Variants in FBXL7 observed in about 807,000 individuals in gnomAD.
The protein encoded by FBXL7 is F-box and leucine rich repeat protein 7, also known as F-box/LRR-repeat protein 7.
FBXL7 carries 12 observed loss-of-function variants against 38.3 expected under a neutral mutation model. The ratio of observed to expected loss-of-function variants is 0.31; its 90% CI spans 0.20 to 0.51. FBXL7 has a LOEUF of 0.51. FBXL7 is among the 20% of genes least tolerant of loss of function. The pLI, the probability that FBXL7 is intolerant of heterozygous loss-of-function variation, is 0.98. For missense variants in FBXL7, 567 were observed against 676.4 expected, an observed-to-expected ratio of 0.84 and a Z score of 1.79; for synonymous variants, 297 against 300.9, an observed-to-expected ratio of 0.99 and a Z score of 0.13.
intron 3 of FBXL7, among the ~76,000 whole-genome samples, chr5:15,933,319 T>G (rs1158793637): frequency 2.6e-5 from 4 of 152,256 alleles, no homozygotes; most frequent in Non-Finnish European, 5.9e-5. Context: ...TACATTTTCC[T>G]GGACCAAATA....
rs34322593 is a variant in FBXL7, at chr5:15,937,546, G to GCC, written c.*369_*370dup. On this transcript the variant is annotated 3_prime_UTR_variant, in exon 4 of 4. Coordinates refer to ENST00000504595, the MANE Select transcript of FBXL7 (RefSeq NM_012304.5). Reference sequence around the variant, plus strand: ...ACAGGCCCCACCCCCACAGTTCCACGCCCCCCCCCCAAGGCCACACCCTCC... The same window carrying GCC: ...ACAGGCCCCACCCCCACAGTTCCACGCCCCCCCCCCCCAAGGCCACACCCTCC... 81 of 65,930 alleles carry GCC rather than the reference G, an allele frequency of 1.2e-3. No individual in the cohort carries two copies. Among genetic ancestry groups the GCC allele is most frequent in the African/African-American group, 5.0e-3 (45 of 8,920 alleles). 4.1% of individuals were successfully genotyped at this position (65,930 alleles called of 1,614,324 possible).
In FBXL7 at chr5:15,629,187, G is replaced by A. The variant is rs191104046; in HGVS notation, c.127+13115G>A. 4.4e-4 allele frequency among the ~76,000 whole-genome samples: 65 copies of A among 149,026 alleles called. No homozygotes were observed. The Middle Eastern group carries it at 0.017, about 40-fold the overall frequency. On this transcript the variant is annotated intron_variant, in intron 2 of 3. Transcript: ENST00000504595. ...TGTTGTCCCAGCTGCTCAGGAGACT[G>A]AGACATGAGCTCAGGAGTTTGAGGC...
At chr5:15,785,633 A>G (rs1737115066) in intron 2 of FBXL7, among the ~76,000 whole-genome samples, 1 of 152,234 alleles carries the variant, frequency 6.6e-6, no homozygotes, top group South Asian at 2.1e-4. Context: ...AATTCTCTTA[A>G]TATTAAAAGT....
At chr5:15,616,719 T>C (rs1740467071) in intron 2 of FBXL7, among the ~76,000 whole-genome samples, 1 of 152,240 alleles carries the variant, frequency 6.6e-6, no homozygotes. Flanking sequence ...TGGAATTAAT[T>C]GTTTCTATTG....
intron 1 of FBXL7, among the ~76,000 whole-genome samples, chr5:15,540,078 A>C (rs1403472507): frequency 1.3e-5 from 2 of 152,046 alleles, no homozygotes; most frequent in African/African-American, 4.8e-5. Context: ...TGCAAATCCC[A>C]GGGTAGAAGT....
intron 2 of FBXL7, among the ~76,000 whole-genome samples, chr5:15,696,069 C>T (rs1227758903): frequency 1.3e-5 from 2 of 152,196 alleles, no homozygotes; most frequent in Non-Finnish European, 2.9e-5. Context: ...TTTGTTACTT[C>T]TTTTCCTTTG....
chr5:15,588,366 G>A lies in FBXL7; in HGVS notation c.38-27617G>A, dbSNP rs568227498. Among the ~76,000 whole-genome samples, 8 of 151,922 alleles carry A rather than the reference G, an allele frequency of 5.3e-5. No homozygotes were observed. In the East Asian group the frequency reaches 1.5e-3, roughly 29 times the overall value. On this transcript the variant is annotated intron_variant, in intron 1 of 3. Coordinates refer to ENST00000504595, the MANE Select transcript of FBXL7 (RefSeq NM_012304.5). Reference sequence around the variant, plus strand: ...ATCACACAGAGAAACTGTGGCACATGGCAAAAGCTATGTTGTAATTTTTTT... The same window carrying A: ...ATCACACAGAGAAACTGTGGCACATAGCAAAAGCTATGTTGTAATTTTTTT...
chr5:15,528,993 A>G lies in FBXL7; in HGVS notation c.37+28280A>G, dbSNP rs372975681. 5.3e-5 allele frequency among the ~76,000 whole-genome samples: 8 copies of G among 152,296 alleles called. No individual in the cohort carries two copies. In the East Asian group the frequency reaches 5.8e-4, roughly 11 times the overall value. ...AGTATACATTATTATTAACTGTGGTAACCATGTTGTACGCTAGACCTCTTA... is the reference window on the plus strand; with the variant it reads ...AGTATACATTATTATTAACTGTGGTGACCATGTTGTACGCTAGACCTCTTA... On this transcript the variant is annotated intron_variant, in intron 1 of 3. Coordinates refer to ENST00000504595, the MANE Select transcript of FBXL7 (RefSeq NM_012304.5).
chr5:15,816,043 A>G (rs1445015825), intron 2 of FBXL7, among the ~76,000 whole-genome samples: 1 of 152,206 alleles, frequency 6.6e-6, no homozygotes, highest in African/African-American at 2.4e-5. Flanking sequence ...ATAAATTATT[A>G]TAATACAAGT....
chr5:15,531,371 TTAAAA>T lies in FBXL7; in HGVS notation c.37+30663_37+30667del, dbSNP rs1453986318. ...TTTTATAATTTTTCAAAAATTCTCG[TTAAAA>T]TAAAGGACTTAAAAAAGATCATTAT... On this transcript the variant is annotated intron_variant, in intron 1 of 3. Transcript: ENST00000504595. 2.4e-4 allele frequency among the ~76,000 whole-genome samples: 37 copies of T among 152,222 alleles called. 1 individual carries two copies. The highest frequency in any genetic ancestry group is 4.8e-5 in the African/African-American group (2 of 41,462).
At chr5:15,575,391 C>G (rs1422146268) in intron 1 of FBXL7, among the ~76,000 whole-genome samples, 3 of 152,008 alleles carry the variant, frequency 2.0e-5, no homozygotes, top group Non-Finnish European at 4.4e-5. Flanking sequence ...GATTCTTTGA[C>G]GAGCGCAACA....
At chr5:15,934,242 C>A (rs1214649396) in intron 3 of FBXL7, among the ~76,000 whole-genome samples, 1 of 152,144 alleles carries the variant, frequency 6.6e-6, no homozygotes, top group African/African-American at 2.4e-5. Context: ...TGGGCTCAAG[C>A]AATCCACCCG....
chr5:15,832,455 T>C (rs1738482861), intron 2 of FBXL7, among the ~76,000 whole-genome samples: 1 of 152,138 alleles, frequency 6.6e-6, no homozygotes, highest in African/African-American at 2.4e-5. Context: ...TATTCAAAGG[T>C]AACAGACTGT....
At chr5:15,889,829 CAT>C (rs1375263391) in intron 2 of FBXL7, among the ~76,000 whole-genome samples, 13 of 152,156 alleles carry the variant, frequency 8.5e-5, no homozygotes, top group Middle Eastern at 3.2e-3. Flanking sequence ...CTTCCACAGA[CAT>C]ATGATCATTC....
At chr5:15,750,671 G>A (rs1008476416) in intron 2 of FBXL7, among the ~76,000 whole-genome samples, 1 of 151,964 alleles carries the variant, frequency 6.6e-6, no homozygotes, top group African/African-American at 2.4e-5. Context: ...CAGTCAAAAG[G>A]TTGCTTGTGC....
intron 2 of FBXL7, among the ~76,000 whole-genome samples, chr5:15,636,028 A>T (rs1281896510): frequency 6.6e-6 from 1 of 151,604 alleles, no homozygotes; most frequent in African/African-American, 2.4e-5. Context: ...GAGAGTGATT[A>T]TAATCCTTTA....
chr5:15,543,406 C>G (rs143279034), intron 1 of FBXL7, among the ~76,000 whole-genome samples: 1 of 152,174 alleles, frequency 6.6e-6, no homozygotes, highest in African/African-American at 2.4e-5. Context: ...CCACCCTTGA[C>G]GCTTGGGGAT....
At chr5:15,518,684 C>T (rs1211436540) in intron 1 of FBXL7, among the ~76,000 whole-genome samples, 2 of 152,128 alleles carry the variant, frequency 1.3e-5, no homozygotes, top group Non-Finnish European at 2.9e-5. Flanking sequence ...ACATTGGCTC[C>T]TGCACCTTAA....
At chr5:15,769,503 G>A (rs776718040) in intron 2 of FBXL7, among the ~76,000 whole-genome samples, 18 of 152,216 alleles carry the variant, frequency 1.2e-4, no homozygotes, top group Non-Finnish European at 2.2e-4. Context: ...GCAAATGACT[G>A]TTAAAGCAAA....
Sources: gnomAD v4.1 joint callset for allele counts (sites outside exome capture counted in the v4.1 genomes callset) on GRCh38, gnomAD v4.1.1 for gene constraint, MANE v1.5 for transcripts, NCBI Gene and HGNC (gene_info 2026-07-23, HGNC 2026-07-21) for gene names.